GRID1: variants seen among roughly 807,000 people sequenced by gnomAD.
The protein encoded by GRID1 is glutamate receptor ionotropic, delta-1.
GRID1 carries 28 observed loss-of-function variants against 98.0 expected under a neutral mutation model. The observed-to-expected ratio is 0.29, with a 90% CI of 0.21 to 0.39. GRID1 has a LOEUF of 0.39. Ranked by LOEUF, GRID1 falls within the 10% of genes least tolerant of loss-of-function variation. The pLI is 1.00. For missense variants in GRID1, 1,111 were observed against 1,340.5 expected (o/e 0.83, Z 2.67); for synonymous variants, 553 against 538.5 (o/e 1.03, Z -0.37).
rs532262869 is a variant in GRID1, at chr10:86,043,175, C to A, written c.726+95644G>T. On this transcript the variant is annotated intron_variant, in intron 4 of 15. Transcript: ENST00000327946. ...CACACAAAGATATACCTGAAATCCC[C>A]AACTGGGGAACATTCTCCCAAGCCC... Among the ~76,000 whole-genome samples, 33 of 152,264 alleles carry A rather than the reference C, an allele frequency of 2.2e-4. 1 individual carries two copies. Among genetic ancestry groups the A allele is most frequent in the African/African-American group, 7.9e-4 (33 of 41,542 alleles).
At chr10:86,127,696 G>A (rs1464011395) in intron 4 of GRID1, among the ~76,000 whole-genome samples, 1 of 152,066 alleles carries the variant, frequency 6.6e-6, no homozygotes, top group African/African-American at 2.4e-5. Context: ...CTTACCACCC[G>A]AGGTGCACCC....
intron 3 of GRID1, among the ~76,000 whole-genome samples, chr10:86,169,299 G>C (rs541558392): frequency 6.6e-6 from 1 of 152,340 alleles, no homozygotes; most frequent in South Asian, 2.1e-4. Flanking sequence ...CCACGCTGTA[G>C]CCCCAGGGGC....
chr10:86,361,437 A>G (rs1451948456), intron 2 of GRID1, among the ~76,000 whole-genome samples: 2 of 152,198 alleles, frequency 1.3e-5, no homozygotes, highest in Non-Finnish European at 2.9e-5. Flanking sequence ...CTCCCTAGAC[A>G]ACTGTCAACC....
intron 2 of GRID1, among the ~76,000 whole-genome samples, chr10:86,338,747 A>G (rs1015851147): frequency 6.6e-5 from 10 of 152,138 alleles, no homozygotes; most frequent in African/African-American, 2.4e-4. Flanking sequence ...TAGTAGAGAC[A>G]GGGTTTCGCC....
At chr10:85,715,084 C>A (rs900966639) in intron 12 of GRID1, among the ~76,000 whole-genome samples, 1 of 152,124 alleles carries the variant, frequency 6.6e-6, no homozygotes, top group African/African-American at 2.4e-5. Context: ...AATAAATTCA[C>A]ACATTTACAG....
chr10:85,944,262 T>C (rs1842028732), intron 4 of GRID1, among the ~76,000 whole-genome samples: 1 of 152,210 alleles, frequency 6.6e-6, no homozygotes. Context: ...CACTAAGGTT[T>C]GGGGTGATTT....
chr10:85,670,739 C>T (rs1375450444), intron 12 of GRID1, among the ~76,000 whole-genome samples: 3 of 152,170 alleles, frequency 2.0e-5, no homozygotes, highest in Non-Finnish European at 2.9e-5. Flanking sequence ...ACTACACAGA[C>T]CACCACCTCT....
intron 2 of GRID1, among the ~76,000 whole-genome samples, chr10:86,288,477 A>G (rs1277731798): frequency 6.6e-6 from 1 of 152,228 alleles, no homozygotes; most frequent in Non-Finnish European, 1.5e-5. Context: ...CTGCTATTCT[A>G]GAATGTGGTC....
intron 8 of GRID1, among the ~76,000 whole-genome samples, chr10:85,851,141 G>C (rs1045461003): frequency 6.6e-6 from 1 of 152,106 alleles, no homozygotes; most frequent in Non-Finnish European, 1.5e-5. Context: ...GTAGAAATTT[G>C]TGGAGGTCCT....
intron 2 of GRID1, among the ~76,000 whole-genome samples, chr10:86,240,341 G>A (rs923262876): frequency 6.6e-6 from 1 of 152,168 alleles, no homozygotes; most frequent in Non-Finnish European, 1.5e-5. Flanking sequence ...ACTAGGACAT[G>A]AGCTTCCTGG....
chr10:85,965,178 A>G (rs1425504257), intron 4 of GRID1, among the ~76,000 whole-genome samples: 1 of 152,246 alleles, frequency 6.6e-6, no homozygotes, highest in Non-Finnish European at 1.5e-5. Flanking sequence ...ATGCTTTTAC[A>G]CTGTTGGTGG....
chr10:86,358,748 ACT>A (rs1848565279), intron 2 of GRID1, among the ~76,000 whole-genome samples: 1 of 151,480 alleles, frequency 6.6e-6, no homozygotes, highest in Admixed American at 6.6e-5. Flanking sequence ...ACAGAGAGAG[ACT>A]CTGTCTCAAA....
At chr10:86,023,918 T>C (rs1843082482) in intron 4 of GRID1, among the ~76,000 whole-genome samples, 2 of 152,194 alleles carry the variant, frequency 1.3e-5, no homozygotes. Flanking sequence ...CAGATAAGTA[T>C]ACAAAAATAA....
chr10:85,822,738 C>T (rs1430776768), intron 8 of GRID1, among the ~76,000 whole-genome samples: 4 of 152,110 alleles, frequency 2.6e-5, no homozygotes, highest in Admixed American at 1.3e-4. Context: ...CACATGCACA[C>T]GTATGTTTAT....
chr10:86,297,986 G>A (rs756754769), intron 2 of GRID1, among the ~76,000 whole-genome samples: 9 of 152,134 alleles, frequency 5.9e-5, no homozygotes, highest in African/African-American at 9.7e-5. Context: ...TGATCTTTTC[G>A]AAAGCAATTT....
At chr10:85,825,098 G>GT (rs576993131) in intron 8 of GRID1, among the ~76,000 whole-genome samples, 47 of 152,282 alleles carry the variant, frequency 3.1e-4, no homozygotes, top group African/African-American at 1.0e-3. Flanking sequence ...TCTACTTTTA[G>GT]TTTTTTGAGA....
chr10:85,920,525 A>T (rs1419645146), intron 4 of GRID1, among the ~76,000 whole-genome samples: 2 of 152,226 alleles, frequency 1.3e-5, no homozygotes, highest in African/African-American at 4.8e-5. Flanking sequence ...GGAGTGGACC[A>T]GGAGCCTCAT....
chr10:86,225,399 G>A (rs919928030), intron 2 of GRID1, among the ~76,000 whole-genome samples: 2 of 152,316 alleles, frequency 1.3e-5, no homozygotes, highest in Admixed American at 6.5e-5. Flanking sequence ...AGTACTCAAG[G>A]CTGAGAATTA....
chr10:85,867,271 T>C (rs533030974), intron 6 of GRID1, among the ~76,000 whole-genome samples: 1 of 152,210 alleles, frequency 6.6e-6, no homozygotes, highest in Non-Finnish European at 1.5e-5. Flanking sequence ...AGTGGCCCCA[T>C]CTTTGTTCTT....
Sources: gnomAD v4.1 joint callset for allele counts (sites outside exome capture counted in the v4.1 genomes callset) on GRCh38, gnomAD v4.1.1 for gene constraint, MANE v1.5 for transcripts, NCBI Gene and HGNC (gene_info 2026-07-23, HGNC 2026-07-21) for gene names.